TENM2: variants seen among roughly 807,000 people sequenced by gnomAD.
TENM2 encodes teneurin-2.
TENM2 carries 52 observed loss-of-function variants against 245.2 expected under a neutral mutation model. The ratio of observed to expected loss-of-function variants is 0.21; its 90% CI spans 0.17 to 0.27. The LOEUF (loss-of-function observed/expected upper bound fraction) is 0.27, where lower values mean the gene tolerates loss of function less well. Among genes scored for constraint, TENM2 ranks in the 10% least tolerant of loss-of-function variants. The probability of loss-of-function intolerance (pLI) is 1.00; values close to 1 mark genes in which losing one functional copy is unlikely to be tolerated. For synonymous variants in TENM2, 1,363 were observed against 1,438.9 expected, an observed-to-expected ratio of 0.95 and a Z score of 1.19; for missense variants, 3,046 against 3,666.8, an observed-to-expected ratio of 0.83 and a Z score of 4.37.
chr5:168,099,985 G>A (rs1424122751), intron 9 of TENM2, among the ~76,000 whole-genome samples: 1 of 152,148 alleles, frequency 6.6e-6, no homozygotes, highest in Non-Finnish European at 1.5e-5. Flanking sequence ...TCTCTTCGTA[G>A]CAATTGTGAA....
chr5:167,872,805 A>G (rs1773099221), intron 2 of TENM2, among the ~76,000 whole-genome samples: 1 of 152,250 alleles, frequency 6.6e-6, no homozygotes, highest in Non-Finnish European at 1.5e-5. Flanking sequence ...ATTTGTATAA[A>G]TTAAACAGCA....
At chr5:167,259,289 G>A in the TENM2 span, among the ~76,000 whole-genome samples, 6 of 152,166 alleles carry the variant, frequency 3.9e-5, no homozygotes, top group Non-Finnish European at 8.8e-5. Context: ...CATATAGTTG[G>A]ATCTGGAGCT....
chr5:167,799,259 G>A (rs1379551296), intron 2 of TENM2, among the ~76,000 whole-genome samples: 3 of 152,146 alleles, frequency 2.0e-5, no homozygotes, highest in Non-Finnish European at 4.4e-5. Context: ...GATTTTAAAT[G>A]AACAATAATG....
At position 167,825,308 on chromosome 5, in the gene TENM2, C is replaced by T. The variant is rs80237816; in HGVS notation, c.503-50678C>T. Reference sequence around the variant, plus strand: ...TGGGTTTCTGCAGGGGGGTGGGGTTCTTGGTGGGGTTTTTTTATGTTTTAA... The same window carrying T: ...TGGGTTTCTGCAGGGGGGTGGGGTTTTTGGTGGGGTTTTTTTATGTTTTAA... On this transcript the variant is annotated intron_variant, in intron 2 of 28. Coordinates refer to ENST00000518659, the Ensembl canonical transcript of TENM2. Among the ~76,000 whole-genome samples the T allele has an allele frequency of 1.5e-4, 23 of 151,928 alleles. 1 individual carries two copies. In the East Asian group the frequency reaches 4.5e-3, roughly 29 times the overall value.
At chr5:168,078,230 T>C (rs911099596) in intron 7 of TENM2, among the ~76,000 whole-genome samples, 2 of 152,240 alleles carry the variant, frequency 1.3e-5, no homozygotes, top group Admixed American at 1.3e-4. Context: ...TGTCTTCTTT[T>C]GAGAAGTGTC....
chr5:167,352,701 A>T (rs1438158317), intron 1 of TENM2, among the ~76,000 whole-genome samples: 1 of 152,214 alleles, frequency 6.6e-6, no homozygotes, highest in Non-Finnish European at 1.5e-5. Flanking sequence ...CAATTTTTAT[A>T]AAAAATTTGG....
At position 167,602,035 on chromosome 5, in the gene TENM2, A is replaced by C. The variant is rs577687433; in HGVS notation, c.502+226562A>C. On this transcript the variant is annotated intron_variant, in intron 2 of 28. Transcript: ENST00000518659. ...GGTATTATTGGATAGAAAAAAAAAA[A>C]ACACAGAGAAGGTAGCTTTTCTTGC... Among the ~76,000 whole-genome samples, 127 of 152,032 alleles carry C rather than the reference A, an allele frequency of 8.4e-4. 1 individual carries two copies. Among genetic ancestry groups the C allele is most frequent in the African/African-American group, 2.9e-3 (121 of 41,518 alleles).
exon 29 of TENM2, chr5:168,262,973 C>T (rs939383386): frequency 3.1e-6 from 2 of 637,670 alleles, no homozygotes; most frequent in Admixed American, 6.0e-5. Flanking sequence ...TGCTACTGTC[C>T]AAGCGAGAAG....
chr5:167,651,380 A>G (rs532895219), intron 2 of TENM2, among the ~76,000 whole-genome samples: 1 of 151,560 alleles, frequency 6.6e-6, no homozygotes, highest in African/African-American at 2.4e-5. Context: ...GGTATTTCTT[A>G]TTTGGAGGCT....
chr5:168,070,816 AG>A (rs67272859), intron 7 of TENM2, among the ~76,000 whole-genome samples: 13,500 of 132,522 alleles, frequency 0.1, 739 homozygotes, highest in East Asian at 0.18. Context: ...AGAGAGAGAG[AG>A]AGAAAAAAAG....
At chr5:167,521,886 C>T (rs745445611) in intron 2 of TENM2, among the ~76,000 whole-genome samples, 10 of 152,058 alleles carry the variant, frequency 6.6e-5, no homozygotes, top group Non-Finnish European at 1.2e-4. Flanking sequence ...AAAAGATTCT[C>T]TCTCTATCTT....
chr5:167,106,235 A>G, the TENM2 span, among the ~76,000 whole-genome samples: 2 of 152,150 alleles, frequency 1.3e-5, no homozygotes, highest in African/African-American at 4.8e-5. Context: ...TACAGGAATC[A>G]TTTAGTTCCA....
At chr5:167,179,924 G>A in the TENM2 span, among the ~76,000 whole-genome samples, 2 of 152,090 alleles carry the variant, frequency 1.3e-5, no homozygotes, top group African/African-American at 2.4e-5. Context: ...GAATAGGAGA[G>A]AAGGCTGAGA....
intron 1 of TENM2, among the ~76,000 whole-genome samples, chr5:167,324,478 G>C (rs527587501): frequency 4.0e-5 from 6 of 151,590 alleles, no homozygotes; most frequent in Non-Finnish European, 8.8e-5. Context: ...GCAAATACTC[G>C]GGGACATGAG....
chr5:167,158,897 TTCCTTCCTTC>T, the TENM2 span, among the ~76,000 whole-genome samples: 85 of 145,190 alleles, frequency 5.9e-4, no homozygotes, highest in African/African-American at 2.1e-3. Flanking sequence ...CCTTCCTTCC[TTCCTTCCTTC>T]CTCTTCCTCT....
chr5:167,487,105 G>A lies in TENM2; in HGVS notation c.502+111632G>A, dbSNP rs115814226. Among the ~76,000 whole-genome samples the A allele has an allele frequency of 3.9e-3, 597 of 152,188 alleles. 6 individuals carry two copies. Among genetic ancestry groups the A allele is most frequent in the African/African-American group, 0.013 (549 of 41,500 alleles). ...GGCATCTTGTTTTACATAATGGTGC[G>A]GTATAGTGGTCTGTGGAGATTTTCT... On this transcript the variant is annotated intron_variant, in intron 2 of 28. Transcript: ENST00000518659.
the TENM2 span, among the ~76,000 whole-genome samples, chr5:167,264,745 A>AT: frequency 7.2e-5 from 11 of 152,050 alleles, no homozygotes; most frequent in East Asian, 1.7e-3. Context: ...CAGGCCATGT[A>AT]TTTTTTTTCT....
At chr5:168,047,324 C>T in intron 5 of TENM2, 103 bp from the exon 8 acceptor site, 1 of 1,363,712 alleles carries the variant, frequency 7.3e-7, no homozygotes, top group South Asian at 1.3e-5. Flanking sequence ...GACGCAGCTT[C>T]CTCAAAAGGC....
the TENM2 span, among the ~76,000 whole-genome samples, chr5:167,143,303 T>C: frequency 6.6e-6 from 1 of 152,224 alleles, no homozygotes; most frequent in South Asian, 2.1e-4. Flanking sequence ...ACACAAATTA[T>C]GGATTTTTCT....
Sources: gnomAD v4.1 joint callset for allele counts (sites outside exome capture counted in the v4.1 genomes callset) on GRCh38, gnomAD v4.1.1 for gene constraint, MANE v1.5 for transcripts, NCBI Gene and HGNC (gene_info 2026-07-23, HGNC 2026-07-21) for gene names.